Variants in SMIM41 observed in about 807,000 individuals in gnomAD.
SMIM41 encodes small integral membrane protein 41.
In SMIM41 at chr12:52,091,195, A is replaced by G. The variant is rs1592324551; in HGVS notation, c.*195+7227A>G. 2.6e-5 allele frequency among the ~76,000 whole-genome samples: 4 copies of G among 152,044 alleles called. No individual in the cohort carries two copies. In the East Asian group the frequency reaches 7.7e-4, roughly 29 times the overall value. ...TCTGGCTATCTCCTTTCCACCATAT[A>G]GAGTTCCCTGGCGTTTTTGCTCCAT... On this transcript the variant is annotated intron_variant, in intron 2 of 2. Transcript: ENST00000546390.
At chr12:52,097,113 A>G (rs1490739739) in intron 2 of SMIM41, among the ~76,000 whole-genome samples, 1 of 152,052 alleles carries the variant, frequency 6.6e-6, no homozygotes, top group African/African-American at 2.4e-5. Context: ...GGTAGAGAAA[A>G]TGACATGACT....
At chr12:52,104,921 G>C (rs1178974271) in intron 2 of SMIM41, among the ~76,000 whole-genome samples, 2 of 150,892 alleles carry the variant, frequency 1.3e-5, no homozygotes, top group African/African-American at 4.9e-5. Context: ...TATGCAGCTT[G>C]TTTCATTTCC....
chr12:52,098,432 C>T (rs10783491), intron 2 of SMIM41, among the ~76,000 whole-genome samples: 38,230 of 150,522 alleles, frequency 0.25, 4,606 homozygotes, highest in East Asian at 0.51. Context: ...GAAACAATAT[C>T]ACAGGGGGTG....
chr12:52,101,353 A>T (rs1940213633), intron 2 of SMIM41, among the ~76,000 whole-genome samples: 2 of 152,188 alleles, frequency 1.3e-5, no homozygotes, highest in Admixed American at 6.5e-5. Context: ...TGAACTCGGG[A>T]GGCGGAGGTT....
intron 1 of SMIM41, among the ~76,000 whole-genome samples, chr12:52,080,386 C>A (rs1185915027): frequency 6.6e-6 from 1 of 152,176 alleles, no homozygotes; most frequent in Non-Finnish European, 1.5e-5. Flanking sequence ...AGGAGGCCGC[C>A]CCGCCCCGGA....
intron 2 of SMIM41, among the ~76,000 whole-genome samples, chr12:52,091,220 T>C (rs1939996664): frequency 1.3e-5 from 2 of 152,122 alleles, no homozygotes; most frequent in South Asian, 2.1e-4. Context: ...TTTTGCTCCA[T>C]GGTCCCCTCT....
chr12:52,086,601 T>C (rs1939896648), intron 2 of SMIM41, among the ~76,000 whole-genome samples: 1 of 152,240 alleles, frequency 6.6e-6, no homozygotes, highest in African/African-American at 2.4e-5. Context: ...AGGCCGAGGC[T>C]GCAGCCGCAC....
chr12:52,082,441 G>A (rs1267384271), intron 1 of SMIM41, among the ~76,000 whole-genome samples: 1 of 152,146 alleles, frequency 6.6e-6, no homozygotes, highest in Non-Finnish European at 1.5e-5. Context: ...GGCGTGGGGT[G>A]TGCCAGGGAC....
intron 2 of SMIM41, among the ~76,000 whole-genome samples, chr12:52,099,961 G>A (rs111445866): frequency 0.026 from 3,910 of 151,846 alleles, 69 homozygotes; most frequent in South Asian, 0.082. Flanking sequence ...ACAAGGTCAC[G>A]GGGGGTTGTG....
chr12:52,096,232 A>C (rs1021466821), intron 2 of SMIM41, among the ~76,000 whole-genome samples: 3 of 151,542 alleles, frequency 2.0e-5, no homozygotes, highest in African/African-American at 7.3e-5. Context: ...ACTTCCTGCG[A>C]TACTGGGAGT....
At chr12:52,088,712 GT>G (rs1414275877) in intron 2 of SMIM41, among the ~76,000 whole-genome samples, 1 of 152,190 alleles carries the variant, frequency 6.6e-6, no homozygotes, top group Admixed American at 6.5e-5. Context: ...CCTCCACACT[GT>G]TGTCAGAGTC....
chr12:52,096,883 A>G (rs1366810771), intron 2 of SMIM41, among the ~76,000 whole-genome samples: 2 of 152,080 alleles, frequency 1.3e-5, no homozygotes, highest in Non-Finnish European at 2.9e-5. Context: ...CCAGGGGTAG[A>G]CGATGACATT....
At chr12:52,103,476 C>T (rs1302657364) in intron 2 of SMIM41, among the ~76,000 whole-genome samples, 7 of 151,790 alleles carry the variant, frequency 4.6e-5, no homozygotes, top group East Asian at 1.9e-4. Flanking sequence ...AGGATAAACA[C>T]GACCAGACTC....
intron 1 of SMIM41, among the ~76,000 whole-genome samples, chr12:52,080,503 G>A (rs549789157): frequency 3.3e-5 from 5 of 152,346 alleles, no homozygotes; most frequent in African/African-American, 1.2e-4. Flanking sequence ...TGGTTGTGGA[G>A]GCAGGAGGAT....
At chr12:52,082,728 T>TA (rs771172344) in intron 1 of SMIM41, among the ~76,000 whole-genome samples, 3 of 152,194 alleles carry the variant, frequency 2.0e-5, no homozygotes, top group Non-Finnish European at 4.4e-5. Flanking sequence ...GATCTTGCCC[T>TA]AACCTTCCTC....
intron 2 of SMIM41, among the ~76,000 whole-genome samples, chr12:52,102,138 G>A (rs1363358702): frequency 6.6e-6 from 1 of 152,208 alleles, no homozygotes; most frequent in African/African-American, 2.4e-5. Flanking sequence ...TGGAAAAGCA[G>A]CCTTTTCAAG....
At chr12:52,094,188 A>C (rs1940051417) in intron 2 of SMIM41, among the ~76,000 whole-genome samples, 1 of 147,588 alleles carries the variant, frequency 6.8e-6, no homozygotes, top group Non-Finnish European at 1.5e-5. Flanking sequence ...AATTCCTATG[A>C]AGTTTTTGAT....
chr12:52,104,539 GGGACGGT>G (rs1345496214), intron 2 of SMIM41, among the ~76,000 whole-genome samples: 1 of 152,182 alleles, frequency 6.6e-6, no homozygotes, highest in Admixed American at 6.5e-5. Context: ...TGAGTGCTGA[GGGACGGT>G]TGGGAGCCTT....
chr12:52,101,061 T>A (rs898183127), intron 2 of SMIM41, among the ~76,000 whole-genome samples: 1 of 152,184 alleles, frequency 6.6e-6, no homozygotes, highest in Non-Finnish European at 1.5e-5. Context: ...CAGGTCTGTA[T>A]ATTAAGTGAA....
Sources: allele counts gnomAD v4.1 joint callset (sites outside exome capture counted in the v4.1 genomes callset), GRCh38; gene constraint gnomAD v4.1.1; transcripts MANE v1.5; gene names NCBI Gene and HGNC (gene_info 2026-07-23, HGNC 2026-07-21).